The following MRPS9 variants were observed in gnomAD, a reference collection of about 807,000 sequenced individuals.
The protein encoded by MRPS9 is small ribosomal subunit protein uS9m.
MRPS9 carries 45 observed loss-of-function variants against 59.9 expected under a neutral mutation model. The ratio of observed to expected loss-of-function variants is 0.75; its 90% CI spans 0.59 to 0.96. MRPS9 has a LOEUF of 0.96. Among genes scored for constraint, MRPS9 ranks in the 40% least tolerant of loss-of-function variants. MRPS9 has a pLI of 0.00. For missense variants in MRPS9, 473 were observed against 481.1 expected (o/e 0.98, Z 0.16); for synonymous variants, 171 against 166.8 (o/e 1.03, Z -0.19).
At chr2:105,097,082 A>G in intron 9 of MRPS9, 73 bp from the exon 10 acceptor site, 1 of 1,344,862 alleles carries the variant, frequency 7.4e-7, no homozygotes. Flanking sequence ...ATGAATATTC[A>G]GAATTTCAGT....
chr2:105,061,726 G>A (rs2104448711), intron 2 of MRPS9, among the ~76,000 whole-genome samples: 1 of 152,182 alleles, frequency 6.6e-6, no homozygotes. Flanking sequence ...AGGAGCATTG[G>A]GGACAGTATT....
chr2:105,068,233 G>A (rs1680040201), intron 2 of MRPS9, among the ~76,000 whole-genome samples: 1 of 152,062 alleles, frequency 6.6e-6, no homozygotes, highest in Non-Finnish European at 1.5e-5. Flanking sequence ...GAATATTACA[G>A]GAAATAGTTT....
intron 4 of MRPS9, 50 bp from the exon 5 acceptor site, chr2:105,079,933 C>A: frequency 7.4e-7 from 1 of 1,344,218 alleles, no homozygotes; most frequent in South Asian, 1.3e-5. Context: ...GCTATTTGGT[C>A]TGTCTCTGTG....
At position 105,093,532 on chromosome 2, in the gene MRPS9, A is replaced by G; in HGVS notation, c.823A>G (p.Lys275Glu). ...ATAGGAATTTTATATTTTTGAAGGT[A>G]AAAGAAAGACTGCAAAAGCAGAAGC... is the stretch of plus-strand genomic sequence containing the variant. The part of the protein sequence containing the change: ...QGMAFSKSEG[K>E]RKTAKAEAIV... The change falls in exon 9 of 11, where the codon AAA becomes GAA. Residue 275 changes from lysine to glutamate, a missense_variant and splice_region_variant. Physicochemically the swap from Lys to Glu is moderately conservative, Grantham distance 56. Transcript: ENST00000258455. The G allele has an allele frequency of 1.3e-6, 2 of 1,569,308 alleles. No homozygotes were observed. The highest frequency in any genetic ancestry group is 2.7e-5 in the African/African-American group (2 of 73,364).
At chr2:105,048,747 C>T (rs1429144242) in intron 1 of MRPS9, among the ~76,000 whole-genome samples, 2 of 151,802 alleles carry the variant, frequency 1.3e-5, no homozygotes, top group African/African-American at 2.4e-5. Context: ...CAGGCCATGC[C>T]GTTTGCTGTC....
intron 1 of MRPS9, among the ~76,000 whole-genome samples, chr2:105,038,716 C>T (rs548082014): frequency 6.6e-6 from 1 of 152,258 alleles, no homozygotes; most frequent in Admixed American, 6.5e-5. Flanking sequence ...TTCCCGAATC[C>T]CCCTCTATGG....
intron 2 of MRPS9, among the ~76,000 whole-genome samples, chr2:105,050,914 T>C (rs1679700544): frequency 6.6e-6 from 1 of 152,232 alleles, no homozygotes; most frequent in Non-Finnish European, 1.5e-5. Context: ...CATTGTGGCA[T>C]GTGTCAGTAC....
chr2:105,070,755 G>A (rs1309398882), intron 2 of MRPS9, among the ~76,000 whole-genome samples: 1 of 152,172 alleles, frequency 6.6e-6, no homozygotes, highest in East Asian at 1.9e-4. Flanking sequence ...ATGACCTGCA[G>A]TATGGAAAAA....
At chr2:105,095,930 C>T (rs1680651487) in intron 9 of MRPS9, among the ~76,000 whole-genome samples, 1 of 152,118 alleles carries the variant, frequency 6.6e-6, no homozygotes, top group Non-Finnish European at 1.5e-5. Flanking sequence ...CCTCAGCCTC[C>T]TGAGTAGCTT....
intron 5 of MRPS9, among the ~76,000 whole-genome samples, chr2:105,086,158 C>G (rs1454156597): frequency 6.6e-6 from 1 of 152,184 alleles, no homozygotes; most frequent in Non-Finnish European, 1.5e-5. Context: ...TACTATAGGT[C>G]AGGCACTGTG....
intron 1 of MRPS9, 184 bp downstream of exon 1, chr2:105,038,411 G>C: frequency 1.4e-6 from 1 of 715,484 alleles, no homozygotes; most frequent in Non-Finnish European, 2.2e-6. Flanking sequence ...CGCTCTAGAG[G>C]TTGTTACTTG....
At chr2:105,077,551 A>G (rs2104458419) in intron 4 of MRPS9, among the ~76,000 whole-genome samples, 1 of 152,316 alleles carries the variant, frequency 6.6e-6, no homozygotes, top group Middle Eastern at 3.4e-3. Context: ...GAACCACACA[A>G]ACAACCCTAT....
chr2:105,099,204 T>C (rs1680735729), intron 10 of MRPS9: 1 of 152,558 alleles, frequency 6.6e-6, no homozygotes, highest in Non-Finnish European at 1.5e-5. Context: ...CATATTCATG[T>C]AAACTGTTAA....
chr2:105,049,983 A>T (rs1036182786), intron 2 of MRPS9, among the ~76,000 whole-genome samples: 4 of 152,226 alleles, frequency 2.6e-5, no homozygotes, highest in Non-Finnish European at 4.4e-5. Flanking sequence ...TGTATAGATA[A>T]TAACATTCTT....
At chr2:105,064,178 G>T (rs899532095) in intron 2 of MRPS9, among the ~76,000 whole-genome samples, 1 of 152,188 alleles carries the variant, frequency 6.6e-6, no homozygotes, top group Non-Finnish European at 1.5e-5. Flanking sequence ...ATGAGCAGAG[G>T]TGTGTTTAGG....
chr2:105,099,733 G>A lies in MRPS9; in HGVS notation c.1163G>A (p.Arg388His), dbSNP rs768755208. ...ERKKPGQEGARRKFTWKKR is the reference protein window; with the variant it reads ...ERKKPGQEGAHRKFTWKKR ...AAGAAGCCAGGCCAAGAGGGAGCCC[G>A]CAGAAAGTTTACGTGGAAGAAACGC... is the stretch of plus-strand genomic sequence containing the variant. Residue 388 changes from arginine (R) to histidine (H), a missense_variant, in exon 11 of 11, where the codon CGC (arginine) becomes CAC (histidine). Physicochemically the swap from Arg to His is conservative, Grantham distance 29. Transcript: ENST00000258455. 3.1e-6 allele frequency: 5 copies of A among 1,613,986 alleles called. No homozygotes were observed. The highest frequency in any genetic ancestry group is 1.7e-5 in the Admixed American group (1 of 59,992).
chr2:105,049,078 A>C, intron 1 of MRPS9, 93 bp from the exon 2 acceptor site: 1 of 853,328 alleles, frequency 1.2e-6, no homozygotes, highest in East Asian at 2.7e-5. Flanking sequence ...AAAAAAGATA[A>C]CTACTTGCAT....
At chr2:105,091,452 C>T in intron 7 of MRPS9, 1 of 467,836 alleles carries the variant, frequency 2.1e-6, no homozygotes, top group Non-Finnish European at 4.4e-6. Context: ...GTATTTCACC[C>T]TTACTAGAAG....
intron 6 of MRPS9, 45 bp downstream of exon 6, chr2:105,089,114 A>T: frequency 6.9e-7 from 1 of 1,439,500 alleles, no homozygotes; most frequent in Non-Finnish European, 9.7e-7. Context: ...ATTTGAACTA[A>T]AAACATGCCA....
Sources: gnomAD v4.1 joint callset for allele counts (sites outside exome capture counted in the v4.1 genomes callset) on GRCh38, gnomAD v4.1.1 for gene constraint, MANE v1.5 for transcripts, NCBI Gene and HGNC (gene_info 2026-07-23, HGNC 2026-07-21) for gene names.